COPS9: variants seen among roughly 807,000 people sequenced by gnomAD.
COPS9 encodes the protein COP9 signalosome complex subunit 9.
Under a neutral mutation model 7.2 loss-of-function variants are expected in COPS9, and 8 were observed. That is an observed-to-expected ratio of 1.11 (90% CI 0.65 to 2.00). The LOEUF (loss-of-function observed/expected upper bound fraction) is 2.00, where lower values mean the gene tolerates loss of function less well. COPS9 is among the 30% of genes most tolerant of loss of function. The probability of loss-of-function intolerance (pLI) is 0.00; values close to 1 mark genes in which losing one functional copy is unlikely to be tolerated. For missense variants in COPS9, 74 were observed against 77.7 expected, an observed-to-expected ratio of 0.95 and a Z score of 0.18; for synonymous variants, 39 against 28.7, an observed-to-expected ratio of 1.36 and a Z score of -1.14.
In COPS9 at chr2:240,136,299, G is replaced by C. The variant is rs753627781; in HGVS notation, c.-15C>G. On this transcript the variant is annotated 5_prime_UTR_variant, in exon 1 of 3. Coordinates refer to ENST00000607357, the MANE Select transcript of COPS9 (RefSeq NM_001163424.2). Reference sequence around the variant, plus strand: ...GCCGGCTTCATCTCGGGGCCGCGGCGCTCTAGGCTCACTTCCGGCCTCAGA... The same window carrying C: ...GCCGGCTTCATCTCGGGGCCGCGGCCCTCTAGGCTCACTTCCGGCCTCAGA... 1 of 1,554,714 alleles carries C rather than the reference G, an allele frequency of 6.4e-7. No individual in the cohort carries two copies. Among genetic ancestry groups the C allele is most frequent in the Non-Finnish European group, 8.7e-7 (1 of 1,154,656 alleles).
In COPS9 at chr2:240,136,302, C is replaced by T; in HGVS notation, c.-18G>A. On this transcript the variant is annotated 5_prime_UTR_variant, in exon 1 of 3. Transcript: ENST00000607357. ...GGCTTCATCTCGGGGCCGCGGCGCT[C>T]TAGGCTCACTTCCGGCCTCAGAGCC... is the stretch of plus-strand genomic sequence containing the variant. 2 of 1,553,552 alleles carry T rather than the reference C, an allele frequency of 1.3e-6. No homozygotes were observed. The highest frequency in any genetic ancestry group is 8.7e-7 in the Non-Finnish European group (1 of 1,154,034).
intron 2 of COPS9, among the ~76,000 whole-genome samples, chr2:240,133,123 G>T (rs374478467): frequency 4.6e-5 from 7 of 152,240 alleles, no homozygotes; most frequent in African/African-American, 1.7e-4. Flanking sequence ...AAACCGATGT[G>T]GCAAGCTCAG....
Position 240,136,289 on chromosome 2 carries a change from G to A in COPS9, c.-5C>T, listed in dbSNP as rs1574950075. 1.3e-6 allele frequency: 2 copies of A among 1,562,760 alleles called. No homozygotes were observed. On this transcript the variant is annotated 5_prime_UTR_variant, in exon 1 of 3. Coordinates refer to ENST00000607357, the MANE Select transcript of COPS9 (RefSeq NM_001163424.2). ...CTCGTCCACCGCCGGCTTCATCTCG[G>A]GGCCGCGGCGCTCTAGGCTCACTTC...
At chr2:240,129,587 C>T (rs562867634), downstream of COPS9, among the ~76,000 whole-genome samples, 1 of 152,242 alleles carries the variant, frequency 6.6e-6, no homozygotes, top group East Asian at 1.9e-4. Context: ...TGTGGGACTG[C>T]GATAAACCTC....
Position 240,130,996 on chromosome 2 carries a change from C to T in COPS9, c.*55G>A. On this transcript the variant is annotated 3_prime_UTR_variant, in exon 3 of 3. Coordinates refer to ENST00000607357, the MANE Select transcript of COPS9 (RefSeq NM_001163424.2). ...ACCACCTGAAACTGTCCTGCGCAGG[C>T]TCACACTGCGGCTCTGTACCAAGGG... 1.9e-6 allele frequency: 3 copies of T among 1,603,696 alleles called. No individual in the cohort carries two copies. Among genetic ancestry groups the T allele is most frequent in the South Asian group, 1.1e-5 (1 of 88,386 alleles).
chr2:240,136,260 A>G lies in COPS9; in HGVS notation c.25T>C (p.Phe9Leu). 1 of 1,568,886 alleles carries G rather than the reference A, an allele frequency of 6.4e-7. No individual in the cohort carries two copies. Among genetic ancestry groups the G allele is most frequent in the Non-Finnish European group, 8.6e-7 (1 of 1,161,376 alleles). MKPAVDEMFPEGAGPYVDL... is the reference protein window; with the variant it reads MKPAVDEMLPEGAGPYVDL... ...ACGTAGGGCCCGGCGCCCTCGGGGAACATCTCGTCCACCGCCGGCTTCATC... is the reference window on the plus strand; with the variant it reads ...ACGTAGGGCCCGGCGCCCTCGGGGAGCATCTCGTCCACCGCCGGCTTCATC... Residue 9 changes from phenylalanine to leucine, a missense_variant, in exon 1 of 3, where the codon TTC becomes CTC. Coordinates refer to ENST00000607357, the MANE Select transcript of COPS9 (RefSeq NM_001163424.2).
At chr2:240,134,032 T>C (rs2071948040) in intron 1 of COPS9, 27 bp from the exon 2 acceptor site, 1 of 1,612,850 alleles carries the variant, frequency 6.2e-7, no homozygotes, top group East Asian at 2.2e-5. Flanking sequence ...CAAGGTTATG[T>C]CAGGTGCGTT....
downstream of COPS9, among the ~76,000 whole-genome samples, chr2:240,130,594 CG>C (rs2071912184): frequency 6.6e-6 from 1 of 152,260 alleles, no homozygotes; most frequent in Non-Finnish European, 1.5e-5. Flanking sequence ...AGCAGAGGGG[CG>C]GCCCCGTGGC....
rs373582972 is a variant in COPS9, at chr2:240,132,042, G to T, written c.137-954C>A. Among the ~76,000 whole-genome samples, 2 of 152,142 alleles carry T rather than the reference G, an allele frequency of 1.3e-5. No homozygotes were observed. The highest frequency in any genetic ancestry group is 4.8e-5 in the African/African-American group (2 of 41,424). On this transcript the variant is annotated intron_variant, in intron 2 of 2. Transcript: ENST00000607357. This position sits in a 1 kb window ranked among gnomAD's most constrained non-coding sequence, Gnocchi z 4.1. ...TCCCGACTGCTGGTTGTGGTTCGCC[G>T]CTAGGAGCACTTTTGCGCAGTCCTG...
chr2:240,130,898 G>C lies in COPS9; in HGVS notation c.*153C>G, dbSNP rs2071915114. 1 of 1,449,828 alleles carries C rather than the reference G, an allele frequency of 6.9e-7. No individual in the cohort carries two copies. The highest frequency in any genetic ancestry group is 1.5e-5 in the South Asian group (1 of 66,702). The allele number at this position is 1,449,828 out of a possible 1,614,324, so 89.8% of individuals were successfully genotyped here. Reference sequence around the variant, plus strand: ...GTTCAGAGATGAACAGAATCATCTAGGTCGTTAAGAACAGTCTTATCTTTC... The same window carrying C: ...GTTCAGAGATGAACAGAATCATCTACGTCGTTAAGAACAGTCTTATCTTTC... On this transcript the variant is annotated 3_prime_UTR_variant, in exon 3 of 3. Coordinates refer to ENST00000607357, the MANE Select transcript of COPS9 (RefSeq NM_001163424.2).
At chr2:240,130,767 C>T (rs2071913918), downstream of COPS9, 2 of 1,327,098 alleles carry the variant, frequency 1.5e-6, no homozygotes, top group Non-Finnish European at 1.9e-6. Flanking sequence ...CACAAACACA[C>T]AGAGACGTTT....
rs1276482103 is a variant in COPS9 at position 240,132,179 on chromosome 2, TCA to T, written c.137-1093_137-1092del. Among the ~76,000 whole-genome samples, 2 of 152,312 alleles carry T rather than the reference TCA, an allele frequency of 1.3e-5. No homozygotes were observed. Among genetic ancestry groups the T allele is most frequent in the Non-Finnish European group, 2.9e-5 (2 of 68,012 alleles). On this transcript the variant is annotated intron_variant, in intron 2 of 2. Transcript: ENST00000607357. The surrounding 1 kb of genome is among the most constrained non-coding windows in gnomAD (Gnocchi z 4.1). ...CGTCCACGCTTTGCCAGGGCTCTTG[TCA>T]CAGTCCAGCCCCTGCCTGCTGACTT...
At chr2:240,127,445 G>A (rs532093459), downstream of COPS9, among the ~76,000 whole-genome samples, 9 of 152,244 alleles carry the variant, frequency 5.9e-5, no homozygotes, top group Middle Eastern at 6.8e-3. Context: ...TTTGGGTGGC[G>A]TGGCACTGCC....
Position 240,132,865 on chromosome 2 carries a change from C to T in COPS9, c.136+1068G>A, listed in dbSNP as rs1373844890. 1.3e-5 allele frequency among the ~76,000 whole-genome samples: 2 copies of T among 152,240 alleles called. No individual in the cohort carries two copies. The highest frequency in any genetic ancestry group is 2.9e-5 in the Non-Finnish European group (2 of 68,030). On this transcript the variant is annotated intron_variant, in intron 2 of 2. Transcript: ENST00000607357. The surrounding 1 kb of genome is among the most constrained non-coding windows in gnomAD (Gnocchi z 4.1). The stretch of plus-strand genomic sequence containing the variant: ...TGAAGGCAACACCCTTCTCCCACCT[C>T]GCTCTGGCATAAAGAATTGAAATAA...
chr2:240,133,379 T>C (rs1468853896), intron 2 of COPS9, among the ~76,000 whole-genome samples: 1 of 152,228 alleles, frequency 6.6e-6, no homozygotes, highest in Admixed American at 6.5e-5. Context: ...ACTGTTCATT[T>C]GGTTTACCCA....
rs536802486 is a variant in COPS9 at position 240,134,128 on chromosome 2, G to A, written c.64-123C>T. 25 of 827,514 alleles carry A rather than the reference G, an allele frequency of 3.0e-5. No individual in the cohort carries two copies. The South Asian group carries it at 3.6e-4, about 12-fold the overall frequency. 51.3% of individuals were successfully genotyped at this position (827,514 alleles called of 1,614,324 possible). ...GGGTGAGGGGAAACAGGCTCAAGTT[G>A]GAGTCAACATTTTAGTTCCAGACAC... On this transcript the variant is annotated intron_variant, in intron 1 of 2. Transcript: ENST00000607357.
At chr2:240,129,353 G>C (rs1373420927), downstream of COPS9, among the ~76,000 whole-genome samples, 1 of 152,102 alleles carries the variant, frequency 6.6e-6, no homozygotes, top group Non-Finnish European at 1.5e-5. Context: ...TGTATAGAGA[G>C]GGGGGTCTCG....
chr2:240,127,090 C>T, downstream of COPS9: 2 of 1,016,058 alleles, frequency 2.0e-6, no homozygotes, highest in Non-Finnish European at 2.8e-6. Flanking sequence ...GAGGGGAAGG[C>T]TAAGTACAAG....
chr2:240,126,781 G>A (rs375690134), downstream of COPS9: 75 of 1,614,052 alleles, frequency 4.6e-5, 1 homozygote, highest in South Asian at 3.1e-4. Context: ...TTTCTTAAGC[G>A]TCCTGTGCCC....
Sources: allele counts gnomAD v4.1 joint callset (sites outside exome capture counted in the v4.1 genomes callset), GRCh38; gene constraint gnomAD v4.1.1; non-coding constraint Gnocchi (gnomAD v3.1); transcripts MANE v1.5; gene names NCBI Gene and HGNC (gene_info 2026-07-23, HGNC 2026-07-21).